F13A1: variants seen among roughly 807,000 people sequenced by gnomAD.
The protein encoded by F13A1 is FSF, A subunit.
F13A1 carries 47 observed loss-of-function variants against 80.1 expected under a neutral mutation model. That is an observed-to-expected ratio of 0.59 (90% CI 0.46 to 0.75). F13A1 has a LOEUF of 0.75. Among genes scored for constraint, F13A1 ranks in the 30% least tolerant of loss-of-function variants. The pLI is 0.00. For missense variants in F13A1, 817 were observed against 930.4 expected (o/e 0.88, Z 1.59); for synonymous variants, 349 against 344.9 (o/e 1.01, Z -0.13).
rs1475600093 is a variant in F13A1, at chr6:6,195,894, C to A, written c.1217-9G>T. 1 of 1,613,744 alleles carries A rather than the reference C, an allele frequency of 6.2e-7. No homozygotes were observed. Among genetic ancestry groups the A allele is most frequent in the South Asian group, 1.1e-5 (1 of 91,052 alleles). On this transcript the variant is annotated splice_polypyrimidine_tract_variant and intron_variant, in intron 9 of 14. Coordinates refer to ENST00000264870, the MANE Select transcript of F13A1 (RefSeq NM_000129.4). Reference sequence around the variant, plus strand: ...GCCACACCGATACATGCCTGCATTGCACAGAGGAAGGGCGGTGTGAGTTTG... The same window carrying A: ...GCCACACCGATACATGCCTGCATTGAACAGAGGAAGGGCGGTGTGAGTTTG...
intron 4 of F13A1, among the ~76,000 whole-genome samples, chr6:6,252,711 G>A (rs1436669709): frequency 6.6e-6 from 1 of 152,140 alleles, no homozygotes; most frequent in Non-Finnish European, 1.5e-5. Context: ...CATACAAAAT[G>A]TTTCCAATTG....
chr6:6,287,494 G>A (rs1311403017), intron 3 of F13A1, among the ~76,000 whole-genome samples: 1 of 152,174 alleles, frequency 6.6e-6, no homozygotes, highest in Admixed American at 6.5e-5. Context: ...AGGAAAGAGG[G>A]GAGAAAGCAC....
At chr6:6,272,644 A>G (rs1757938536) in intron 3 of F13A1, among the ~76,000 whole-genome samples, 1 of 152,146 alleles carries the variant, frequency 6.6e-6, no homozygotes, top group South Asian at 2.1e-4. Context: ...TTTTTAAATC[A>G]ACTGCATCTG....
intron 3 of F13A1, among the ~76,000 whole-genome samples, chr6:6,284,071 C>T (rs972763090): frequency 2.6e-5 from 4 of 152,134 alleles, no homozygotes; most frequent in Admixed American, 1.3e-4. Flanking sequence ...AGGCAGAGAG[C>T]AAAAAGAGAT....
chr6:6,217,484 C>T (rs1757113321), intron 8 of F13A1, among the ~76,000 whole-genome samples: 1 of 135,930 alleles, frequency 7.4e-6, no homozygotes, highest in South Asian at 2.2e-4. Flanking sequence ...ACAATGAGAA[C>T]ATATGGACAC....
At chr6:6,316,117 A>AGT (rs1478782518) in intron 2 of F13A1, among the ~76,000 whole-genome samples, 1 of 56,226 alleles carries the variant, frequency 1.8e-5, no homozygotes, top group African/African-American at 8.8e-5. Flanking sequence ...ATATATATAT[A>AGT]TATATATATA....
At chr6:6,155,516 C>A (rs1015271208) in intron 13 of F13A1, among the ~76,000 whole-genome samples, 2 of 152,080 alleles carry the variant, frequency 1.3e-5, no homozygotes, top group East Asian at 3.9e-4. Context: ...TTGCAATTAA[C>A]AAAGACCAGT....
intron 14 of F13A1, among the ~76,000 whole-genome samples, chr6:6,149,354 TA>T (rs1226115115): frequency 2.0e-5 from 3 of 152,112 alleles, no homozygotes; most frequent in Admixed American, 6.6e-5. Flanking sequence ...AATGTGTCAG[TA>T]AAAAAAACTT....
At chr6:6,178,872 T>C (rs961011170) in intron 11 of F13A1, among the ~76,000 whole-genome samples, 2 of 152,108 alleles carry the variant, frequency 1.3e-5, no homozygotes, top group African/African-American at 4.8e-5. Context: ...TAAGCTGAAG[T>C]CTGCAAAATG....
intron 3 of F13A1, 120 bp from the exon 4 acceptor site, chr6:6,266,929 A>C (rs1757853882): frequency 7.0e-6 from 10 of 1,424,934 alleles, no homozygotes; most frequent in Non-Finnish European, 9.8e-6. Flanking sequence ...CTTGACTTGA[A>C]GAAACATACA....
intron 4 of F13A1, among the ~76,000 whole-genome samples, chr6:6,255,719 C>T (rs978666079): frequency 6.6e-6 from 1 of 152,128 alleles, no homozygotes; most frequent in Non-Finnish European, 1.5e-5. Flanking sequence ...CTAGGCCACC[C>T]TTTCCCTTCC....
chr6:6,173,770 C>T (rs1327680690), intron 12 of F13A1, among the ~76,000 whole-genome samples: 1 of 152,070 alleles, frequency 6.6e-6, no homozygotes, highest in Non-Finnish European at 1.5e-5. Flanking sequence ...TTCTGGACAG[C>T]CCCCAAAAGA....
At chr6:6,210,295 G>C (rs1399459354) in intron 8 of F13A1, among the ~76,000 whole-genome samples, 2 of 122,616 alleles carry the variant, frequency 1.6e-5, no homozygotes, top group Non-Finnish European at 1.7e-5. Flanking sequence ...TACTTTAAAG[G>C]AGTGAATTTT....
chr6:6,152,408 T>C (rs1195578373), intron 13 of F13A1, among the ~76,000 whole-genome samples: 5 of 152,224 alleles, frequency 3.3e-5, no homozygotes, highest in African/African-American at 9.6e-5. Flanking sequence ...GCAAGAAATA[T>C]GCCAAGGATG....
intron 8 of F13A1, among the ~76,000 whole-genome samples, chr6:6,209,043 GAA>G (rs1761548964): frequency 6.6e-6 from 1 of 152,052 alleles, no homozygotes; most frequent in Non-Finnish European, 1.5e-5. Flanking sequence ...TTAAGAAAGT[GAA>G]AAGAGAGCCC....
intron 3 of F13A1, among the ~76,000 whole-genome samples, chr6:6,287,020 A>G (rs1758148487): frequency 6.6e-6 from 1 of 152,242 alleles, no homozygotes; most frequent in Non-Finnish European, 1.5e-5. Flanking sequence ...AGGAACTATC[A>G]CGAAGCAGTT....
At chr6:6,231,417 G>A (rs1757350827) in intron 6 of F13A1, among the ~76,000 whole-genome samples, 1 of 152,032 alleles carries the variant, frequency 6.6e-6, no homozygotes, top group Admixed American at 6.5e-5. Flanking sequence ...CCACCAAGAA[G>A]TCTGGGATTA....
intron 13 of F13A1, among the ~76,000 whole-genome samples, chr6:6,157,519 A>C (rs770560457): frequency 1.8e-4 from 28 of 152,182 alleles, no homozygotes; most frequent in African/African-American, 6.3e-4. Context: ...TTATCGCTAA[A>C]CCATCAGTTG....
intron 3 of F13A1, among the ~76,000 whole-genome samples, chr6:6,281,899 C>A (rs868763578): frequency 1.4e-5 from 2 of 147,190 alleles, no homozygotes; most frequent in South Asian, 2.1e-4. Flanking sequence ...GAGGCTGAGG[C>A]AGGAAAATGG....
Sources: gnomAD v4.1 joint callset for allele counts (sites outside exome capture counted in the v4.1 genomes callset) on GRCh38, gnomAD v4.1.1 for gene constraint, MANE v1.5 for transcripts, NCBI Gene and HGNC (gene_info 2026-07-23, HGNC 2026-07-21) for gene names.